DNAH14: variants seen among roughly 807,000 people sequenced by gnomAD.
DNAH14 encodes axonemal beta dynein heavy chain 14.
Under a neutral mutation model 520.9 loss-of-function variants are expected in DNAH14, and 478 were observed. The ratio of observed to expected loss-of-function variants is 0.92; its 90% CI spans 0.85 to 0.99. The LOEUF (loss-of-function observed/expected upper bound fraction) is 0.99, where lower values mean the gene tolerates loss of function less well. DNAH14 is among the 50% of genes least tolerant of loss of function. The probability of loss-of-function intolerance (pLI) is 0.00; values close to 1 mark genes in which losing one functional copy is unlikely to be tolerated. For synonymous variants in DNAH14, 1,581 were observed against 1,757.2 expected, an observed-to-expected ratio of 0.90 and a Z score of 2.51; for missense variants, 4,831 against 5,234.5, an observed-to-expected ratio of 0.92 and a Z score of 2.38.
chr1:225,205,859 GAT>G (rs2087485211), intron 39 of DNAH14, 110 bp from the exon 40 acceptor site: 6 of 838,172 alleles, frequency 7.2e-6, no homozygotes, highest in Non-Finnish European at 1.1e-5. Context: ...TGTTTTCTAG[GAT>G]ATCTTTCCTC....
chr1:225,179,295 C>T (rs904431155), intron 36 of DNAH14, among the ~76,000 whole-genome samples: 3 of 152,056 alleles, frequency 2.0e-5, no homozygotes, highest in African/African-American at 7.2e-5. Context: ...TCCTCTTTTC[C>T]TTTCTTCTTT....
At position 225,066,427 on chromosome 1, in the gene DNAH14, C is replaced by G. The variant is rs556443882; in HGVS notation, c.2425-12780C>G. 1.5e-3 allele frequency among the ~76,000 whole-genome samples: 230 copies of G among 152,084 alleles called. 1 individual carries two copies. The highest frequency in any genetic ancestry group is 5.2e-3 in the African/African-American group (216 of 41,534). ...CATTTTTTAGGCCAACATCATGGAG[C>G]TTTGCCCCTGTCTTCTTCTAGAAGT... On this transcript the variant is annotated intron_variant, in intron 17 of 85. Coordinates refer to ENST00000682510, the MANE Select transcript of DNAH14 (RefSeq NM_001367479.1).
chr1:225,096,140 T>C (rs780285974), intron 21 of DNAH14, among the ~76,000 whole-genome samples: 1 of 151,566 alleles, frequency 6.6e-6, no homozygotes, highest in Non-Finnish European at 1.5e-5. Flanking sequence ...TAATTTGTTG[T>C]TGTTGTTGTT....
At chr1:224,942,044 G>A (rs376117790) in intron 1 of DNAH14, among the ~76,000 whole-genome samples, 4 of 152,176 alleles carry the variant, frequency 2.6e-5, no homozygotes, top group Admixed American at 6.5e-5. Context: ...ATTCTGTGAA[G>A]AAAGTCATTG....
At chr1:225,336,534 A>G (rs1277359013) in intron 66 of DNAH14, among the ~76,000 whole-genome samples, 1 of 152,352 alleles carries the variant, frequency 6.6e-6, no homozygotes, top group Admixed American at 6.5e-5. Context: ...AGATTTTAAC[A>G]CCTTTCTGTA....
intron 68 of DNAH14, 113 bp downstream of exon 68, chr1:225,338,295 T>C (rs2095104142): frequency 3.1e-6 from 4 of 1,295,778 alleles, no homozygotes; most frequent in Non-Finnish European, 4.4e-6. Context: ...AAAGTAAGAT[T>C]GTCTTTGGAA....
At chr1:225,086,791 C>T (rs2073857164) in intron 21 of DNAH14, among the ~76,000 whole-genome samples, 1 of 151,928 alleles carries the variant, frequency 6.6e-6, no homozygotes, top group Non-Finnish European at 1.5e-5. Context: ...TTAAAAGCAA[C>T]CATCAGAATA....
rs570829771 is a variant in DNAH14 at position 225,110,301 on chromosome 1, A to G, written c.3868-7383A>G. Among the ~76,000 whole-genome samples, 7 of 152,108 alleles carry G rather than the reference A, an allele frequency of 4.6e-5. No individual in the cohort carries two copies. In the South Asian group the frequency reaches 1.5e-3, roughly 32 times the overall value. On this transcript the variant is annotated intron_variant, in intron 23 of 85. Coordinates refer to ENST00000682510, the MANE Select transcript of DNAH14 (RefSeq NM_001367479.1). ...TGGCAAAATTCAGCAGTGAAGCATC[A>G]GGTCCTAGGCTTTTCTTTGCTGGGG...
At chr1:225,329,311 A>G (rs777866676) in intron 64 of DNAH14, among the ~76,000 whole-genome samples, 5 of 152,186 alleles carry the variant, frequency 3.3e-5, no homozygotes, top group Non-Finnish European at 7.4e-5. Flanking sequence ...AATCCCAGAG[A>G]CAAGAAGCTT....
Position 225,085,739 on chromosome 1 carries a change from C to G in DNAH14, c.3523C>G (p.Gln1175Glu), listed in dbSNP as rs997200392. 1.9e-6 allele frequency: 3 copies of G among 1,551,358 alleles called. No individual in the cohort carries two copies. The highest frequency in any genetic ancestry group is 4.9e-5 in the East Asian group (2 of 40,808). The change falls in exon 21 of 86, where the codon CAA becomes GAA. Residue 1175 changes from glutamine to glutamate, a missense_variant. Physicochemically the swap from Gln to Glu is conservative, Grantham distance 29 (BLOSUM62 2). Transcript: ENST00000682510. Reference protein sequence around the residue: ...DDISAQLEESQVILATIKGSP... With the variant: ...DDISAQLEESEVILATIKGSP... ...CATATCAGCTCAGTTAGAAGAGTCT[C>G]AAGTCATACTTGCAACAATTAAAGG...
At chr1:225,031,394 A>G (rs2066512130) in intron 11 of DNAH14, among the ~76,000 whole-genome samples, 1 of 152,004 alleles carries the variant, frequency 6.6e-6, no homozygotes, top group Non-Finnish European at 1.5e-5. Context: ...TTGTTTACCC[A>G]TTGTCTGTGG....
Position 225,346,220 on chromosome 1 carries a change from G to A in DNAH14, c.10937G>A (p.Ser3646Asn), listed in dbSNP as rs1163510921. ...TTTGTTTCATCAGTAGTTTCCAAAA[G>A]CAAAGAACAAGAACATAGTTTTAAA... Reference protein sequence around the residue: ...QVFVSSVVSKSKEQEHSFKRE... With the variant: ...QVFVSSVVSKNKEQEHSFKRE... The change falls in exon 70 of 86, where the codon AGC (serine) becomes AAC (asparagine). Residue 3646 changes from serine to asparagine, a missense_variant. Coordinates refer to ENST00000682510, the MANE Select transcript of DNAH14 (RefSeq NM_001367479.1). 22 of 1,551,528 alleles carry A rather than the reference G, an allele frequency of 1.4e-5. No homozygotes were observed. Among genetic ancestry groups the A allele is most frequent in the Middle Eastern group, 1.7e-4 (1 of 5,988 alleles).
chr1:225,128,400 C>T (rs1435262432), intron 27 of DNAH14, among the ~76,000 whole-genome samples: 1 of 151,938 alleles, frequency 6.6e-6, no homozygotes, highest in African/African-American at 2.4e-5. Flanking sequence ...TGATGAACAT[C>T]GATGCAAAAA....
intron 60 of DNAH14, among the ~76,000 whole-genome samples, chr1:225,317,438 TTA>T (rs1354592484): frequency 1.3e-5 from 2 of 151,900 alleles, no homozygotes; most frequent in Admixed American, 6.6e-5. Flanking sequence ...TTTATCTTAA[TTA>T]TATATATGTA....
intron 51 of DNAH14, 131 bp downstream of exon 51, chr1:225,272,204 A>G: frequency 1.2e-6 from 1 of 848,830 alleles, no homozygotes; most frequent in South Asian, 1.9e-5. Flanking sequence ...TTAGCAGCTT[A>G]TCTCATGAGT....
chr1:225,372,481 T>C (rs2095630517), intron 77 of DNAH14, among the ~76,000 whole-genome samples: 1 of 152,138 alleles, frequency 6.6e-6, no homozygotes, highest in African/African-American at 2.4e-5. Flanking sequence ...GAAAAAGGGA[T>C]TTTCAAAAAG....
chr1:225,237,147 T>C (rs2091646580), intron 42 of DNAH14, among the ~76,000 whole-genome samples: 1 of 152,138 alleles, frequency 6.6e-6, no homozygotes, highest in Non-Finnish European at 1.5e-5. Context: ...GTGAATTTAA[T>C]CCTGTCATCA....
intron 37 of DNAH14, among the ~76,000 whole-genome samples, chr1:225,187,827 A>G (rs779750351): frequency 6.6e-6 from 1 of 151,722 alleles, no homozygotes; most frequent in Admixed American, 6.6e-5. Context: ...AGTTCTTTAT[A>G]TATTCTGGAC....
At chr1:225,334,880 ATATATG>A (rs1309863697) in intron 66 of DNAH14, among the ~76,000 whole-genome samples, 3 of 122,330 alleles carry the variant, frequency 2.5e-5, no homozygotes, top group Non-Finnish European at 4.8e-5. Flanking sequence ...CTCTCTACAT[ATATATG>A]TGTGTGTGTG....
Sources: allele counts gnomAD v4.1 joint callset (sites outside exome capture counted in the v4.1 genomes callset), GRCh38; gene constraint gnomAD v4.1.1; transcripts MANE v1.5; gene names NCBI Gene and HGNC (gene_info 2026-07-23, HGNC 2026-07-21).